The following AGBL4 variants were observed in gnomAD, a reference collection of about 807,000 sequenced individuals.
AGBL4 encodes the protein AGBL carboxypeptidase 4, also known as cytosolic carboxypeptidase 6.
Under a neutral mutation model 66.4 loss-of-function variants are expected in AGBL4, and 58 were observed. The observed-to-expected ratio is 0.87, with a 90% CI of 0.71 to 1.09. The LOEUF is 1.09. AGBL4 is among the 50% of genes least tolerant of loss of function. The pLI is 0.00. For synonymous variants in AGBL4, 234 were observed against 222.9 expected (o/e 1.05, Z -0.44); for missense variants, 579 against 631.0 (o/e 0.92, Z 0.88).
intron 4 of AGBL4, among the ~76,000 whole-genome samples, chr1:49,060,125 A>G (rs182235690): frequency 1.3e-5 from 2 of 152,130 alleles, no homozygotes; most frequent in Admixed American, 1.3e-4. Context: ...TCTCCACCCA[A>G]TCTCATCTTT....
chr1:49,375,201 C>G (rs189262097), intron 3 of AGBL4, among the ~76,000 whole-genome samples: 4 of 152,168 alleles, frequency 2.6e-5, no homozygotes, highest in Admixed American at 6.6e-5. Context: ...GACATGATAC[C>G]TGCCCTTAAG....
intron 3 of AGBL4, among the ~76,000 whole-genome samples, chr1:49,566,372 C>T (rs7355222): frequency 0.054 from 8,182 of 152,218 alleles, 246 homozygotes; most frequent in African/African-American, 0.071. Context: ...GGAGGAGAGG[C>T]GCTCTGATTT....
intron 3 of AGBL4, among the ~76,000 whole-genome samples, chr1:49,400,112 C>T (rs1373650708): frequency 1.3e-5 from 2 of 152,052 alleles, no homozygotes; most frequent in Non-Finnish European, 2.9e-5. Context: ...TATCCACTTT[C>T]CCCCACACCA....
chr1:48,967,644 C>G (rs564428149), intron 5 of AGBL4, among the ~76,000 whole-genome samples: 9 of 152,172 alleles, frequency 5.9e-5, no homozygotes, highest in Admixed American at 6.5e-5. Context: ...AGGAGATGCC[C>G]TTTTTAAAGT....
chr1:48,916,370 C>T (rs1479510693), intron 5 of AGBL4, among the ~76,000 whole-genome samples: 1 of 152,176 alleles, frequency 6.6e-6, no homozygotes, highest in Non-Finnish European at 1.5e-5. Flanking sequence ...ATGCTCTACT[C>T]ACTTTGTTAT....
At chr1:48,948,196 G>A (rs1352018164) in intron 5 of AGBL4, among the ~76,000 whole-genome samples, 3 of 152,190 alleles carry the variant, frequency 2.0e-5, no homozygotes, top group East Asian at 3.8e-4. Flanking sequence ...GCAAAGCCAC[G>A]TCACAGATGG....
At position 48,545,198 on chromosome 1, in the gene AGBL4, T is replaced by G. The variant is rs138624953; in HGVS notation, c.1268-5460A>C. ...GCCTTGTAAATCAATCCTCTTGAAC[T>G]CTGCAAGGGAAAGGAGATGGGCTGT... On this transcript the variant is annotated intron_variant, in intron 11 of 13. Transcript: ENST00000371839. 3.1e-4 allele frequency among the ~76,000 whole-genome samples: 47 copies of G among 152,306 alleles called. 1 individual carries two copies. The East Asian group carries it at 5.8e-3, about 19-fold the overall frequency.
At chr1:49,541,657 C>T (rs897026260) in intron 3 of AGBL4, among the ~76,000 whole-genome samples, 6 of 152,178 alleles carry the variant, frequency 3.9e-5, no homozygotes, top group Non-Finnish European at 7.3e-5. Context: ...CCCCAAGGAG[C>T]GCTGCCCCCT....
intron 2 of AGBL4, among the ~76,000 whole-genome samples, chr1:49,835,780 C>T (rs1445964287): frequency 6.6e-6 from 1 of 152,164 alleles, no homozygotes. Flanking sequence ...GTGACAAAAT[C>T]TCTCAGCATT....
intron 9 of AGBL4, among the ~76,000 whole-genome samples, chr1:48,600,136 C>T (rs932029796): frequency 6.6e-6 from 1 of 152,148 alleles, no homozygotes; most frequent in African/African-American, 2.4e-5. Context: ...CCTAGAACTG[C>T]ATCTGGTTCA....
chr1:49,879,609 C>T (rs962483813), intron 1 of AGBL4, among the ~76,000 whole-genome samples: 3 of 147,570 alleles, frequency 2.0e-5, no homozygotes, highest in South Asian at 2.2e-4. Flanking sequence ...TCCTTCATTG[C>T]AACTTTGGTG....
chr1:48,768,656 A>G (rs1200005140), intron 6 of AGBL4, among the ~76,000 whole-genome samples: 1 of 152,224 alleles, frequency 6.6e-6, no homozygotes, highest in East Asian at 1.9e-4. Context: ...TTTGACATAT[A>G]ATCAGGCTGG....
chr1:49,604,808 G>C (rs1645033913), intron 3 of AGBL4, among the ~76,000 whole-genome samples: 1 of 152,096 alleles, frequency 6.6e-6, no homozygotes, highest in East Asian at 1.9e-4. Flanking sequence ...AACTAAAAAG[G>C]GAATTTCTCA....
At chr1:49,237,099 CA>C (rs556190642) in intron 4 of AGBL4, among the ~76,000 whole-genome samples, 4,428 of 134,266 alleles carry the variant, frequency 0.033, 163 homozygotes, top group African/African-American at 0.1. Flanking sequence ...ACTAAAAATA[CA>C]AAAAAAAAAA....
chr1:48,753,856 T>C (rs1300175720), intron 6 of AGBL4, among the ~76,000 whole-genome samples: 1 of 152,252 alleles, frequency 6.6e-6, no homozygotes, highest in Non-Finnish European at 1.5e-5. Context: ...CTCTTCTGGT[T>C]AGAATTCATC....
intron 6 of AGBL4, among the ~76,000 whole-genome samples, chr1:48,824,686 G>C (rs1646387710): frequency 6.6e-6 from 1 of 152,164 alleles, no homozygotes; most frequent in African/African-American, 2.4e-5. Flanking sequence ...ACAACTAGGG[G>C]TAAAAAGGCT....
intron 3 of AGBL4, among the ~76,000 whole-genome samples, chr1:49,577,312 A>T (rs1644456334): frequency 6.6e-6 from 1 of 152,216 alleles, no homozygotes; most frequent in Non-Finnish European, 1.5e-5. Flanking sequence ...CCATGAATAA[A>T]GTGGCCATGG....
At chr1:49,385,561 T>C (rs1557891194) in intron 3 of AGBL4, among the ~76,000 whole-genome samples, 1 of 152,110 alleles carries the variant, frequency 6.6e-6, no homozygotes, top group Non-Finnish European at 1.5e-5. Context: ...TGTAGATTTA[T>C]TTTAATTATT....
chr1:49,958,508 T>G lies in AGBL4; in HGVS notation c.34+65255A>C, dbSNP rs374498998. Among the ~76,000 whole-genome samples, 293 of 152,020 alleles carry G rather than the reference T, an allele frequency of 1.9e-3. 2 individuals carry two copies. Among genetic ancestry groups the G allele is most frequent in the South Asian group, 1.0e-2 (48 of 4,816 alleles). ...GCACATATACACCATGGAATACTATTCAGCCATAAAAAAGGATAAGTTCAT... is the reference window on the plus strand; with the variant it reads ...GCACATATACACCATGGAATACTATGCAGCCATAAAAAAGGATAAGTTCAT... On this transcript the variant is annotated intron_variant, in intron 1 of 13. Coordinates refer to ENST00000371839, the MANE Select transcript of AGBL4 (RefSeq NM_032785.4).
Sources: allele counts gnomAD v4.1 joint callset (sites outside exome capture counted in the v4.1 genomes callset), GRCh38; gene constraint gnomAD v4.1.1; transcripts MANE v1.5; gene names NCBI Gene and HGNC (gene_info 2026-07-23, HGNC 2026-07-21).